CACNA1C: variants seen among roughly 807,000 people sequenced by gnomAD.
CACNA1C encodes calcium voltage-gated channel subunit alpha1 C.
A neutral mutation model predicts 229.0 loss-of-function variants in CACNA1C; 30 were observed. The observed-to-expected ratio is 0.13, with a 90% CI of 0.10 to 0.18. CACNA1C has a LOEUF of 0.18. Ranked by LOEUF, CACNA1C falls within the 10% of genes least tolerant of loss-of-function variation. The pLI is 1.00. For missense variants in CACNA1C, 1,658 were observed against 2,845.0 expected (o/e 0.58, Z 9.49); for synonymous variants, 1,114 against 1,132.5 (o/e 0.98, Z 0.33).
chr12:2,109,842 A>G (rs1050349349), intron 1 of CACNA1C, among the ~76,000 whole-genome samples: 1 of 152,176 alleles, frequency 6.6e-6, no homozygotes, highest in Non-Finnish European at 1.5e-5. Flanking sequence ...GGTTACATCC[A>G]AGAAATCAGT....
chr12:2,540,013 G>A (rs1473316413), intron 9 of CACNA1C, among the ~76,000 whole-genome samples: 3 of 152,162 alleles, frequency 2.0e-5, no homozygotes, highest in African/African-American at 4.8e-5. Flanking sequence ...TGTGGAGAGG[G>A]CCATGGGGCA....
Position 2,665,788 on chromosome 12 carries a change from T to C in CACNA1C, c.4526+80T>C. On this transcript the variant is annotated intron_variant, in intron 36 of 46. Transcript: ENST00000399655. This position sits in a 1 kb window ranked among gnomAD's most constrained non-coding sequence, Gnocchi z 5.9. Reference sequence around the variant, plus strand: ...CCATACCTGCAGGAGGGGCTCAAGGTTGGCCAACACTGGGTGGATCAATTA... The same window carrying C: ...CCATACCTGCAGGAGGGGCTCAAGGCTGGCCAACACTGGGTGGATCAATTA... 7.0e-7 allele frequency: 1 copy of C among 1,432,114 alleles called. No homozygotes were observed. The highest frequency in any genetic ancestry group is 9.5e-7 in the Non-Finnish European group (1 of 1,056,526). The allele number at this position is 1,432,114 out of a possible 1,614,324, so 88.7% of individuals were successfully genotyped here.
At chr12:2,351,357 C>T (rs553859095) in intron 3 of CACNA1C, among the ~76,000 whole-genome samples, 40 of 152,304 alleles carry the variant, frequency 2.6e-4, no homozygotes, top group African/African-American at 7.5e-4. Context: ...CAGCCCCCAC[C>T]CCAGCCTCCG....
chr12:2,138,618 C>A (rs904942435), intron 3 of CACNA1C, among the ~76,000 whole-genome samples: 5 of 150,846 alleles, frequency 3.3e-5, no homozygotes, highest in Non-Finnish European at 1.5e-5. Flanking sequence ...TCCTGCCCAT[C>A]GGAGGAATGT....
intron 9 of CACNA1C, among the ~76,000 whole-genome samples, chr12:2,513,827 G>A (rs2099790338): frequency 6.6e-6 from 1 of 152,124 alleles, no homozygotes; most frequent in Non-Finnish European, 1.5e-5. Context: ...GTGGGAATGG[G>A]GCCCAGGAAT....
In CACNA1C at chr12:2,581,925, A is replaced by T. The variant is rs114992636; in HGVS notation, c.2103+128A>T. On this transcript the variant is annotated intron_variant, in intron 14 of 46. Coordinates refer to ENST00000399655, the MANE Select transcript of CACNA1C (RefSeq NM_000719.7). ...ATCCTAGATCAGCCCTGGAGAGCCC[A>T]TGCCCGGGAGAGTCTTGAGTTTTTT... is the stretch of plus-strand genomic sequence containing the variant. The T allele has an allele frequency of 4.2e-4, 248 of 585,052 alleles. 3 individuals are homozygous for T. The African/African-American group carries it at 4.3e-3, about 10-fold the overall frequency. 36.2% of individuals were successfully genotyped at this position (585,052 alleles called of 1,614,324 possible).
At position 2,097,208 on chromosome 12, in the gene CACNA1C, C is replaced by T. The variant is rs529389113; in HGVS notation, c.50-18016C>T. On this transcript the variant is annotated intron_variant, in intron 1 of 46. Transcript: ENST00000399655. ...TCACCCAGGCTGGAGTGCAGTGGCG[C>T]GATCTCGGCTCACTGCAAGCTCCGC... Among the ~76,000 whole-genome samples, 44 of 152,210 alleles carry T rather than the reference C, an allele frequency of 2.9e-4. 1 individual carries two copies. The South Asian group carries it at 4.8e-3, about 17-fold the overall frequency.
chr12:2,339,913 A>G (rs1426298136), intron 3 of CACNA1C, among the ~76,000 whole-genome samples: 1 of 152,254 alleles, frequency 6.6e-6, no homozygotes. Flanking sequence ...TTTTATGTGT[A>G]TATCCTTCCA....
intron 8 of CACNA1C, among the ~76,000 whole-genome samples, chr12:2,511,323 A>G (rs913100235): frequency 6.6e-5 from 10 of 152,162 alleles, no homozygotes; most frequent in Admixed American, 5.9e-4. Flanking sequence ...CACAGGCCAA[A>G]TGCAAGCACT....
intron 3 of CACNA1C, among the ~76,000 whole-genome samples, chr12:2,192,185 A>C (rs976503016): frequency 6.6e-6 from 1 of 152,208 alleles, no homozygotes; most frequent in African/African-American, 2.4e-5. Context: ...CTGACATCAC[A>C]GTAATGTGAA....
At chr12:2,193,284 G>A (rs2097298307) in intron 3 of CACNA1C, among the ~76,000 whole-genome samples, 1 of 152,054 alleles carries the variant, frequency 6.6e-6, no homozygotes, top group Non-Finnish European at 1.5e-5. Context: ...GCGAAACCCT[G>A]TCTCTACAAA....
chr12:2,227,055 C>T (rs1599774013), intron 3 of CACNA1C, among the ~76,000 whole-genome samples: 1 of 152,318 alleles, frequency 6.6e-6, no homozygotes, highest in South Asian at 2.1e-4. Context: ...CCAAGAACTC[C>T]CTCCACAACT....
At chr12:2,545,856 A>G (rs2099879974) in intron 9 of CACNA1C, among the ~76,000 whole-genome samples, 1 of 152,252 alleles carries the variant, frequency 6.6e-6, no homozygotes, top group South Asian at 2.1e-4. Context: ...ATGAAATGGG[A>G]AAACTCTATC....
chr12:2,223,599 G>A (rs1290103372), intron 3 of CACNA1C: 2 of 152,196 alleles, frequency 1.3e-5, no homozygotes, highest in African/African-American at 4.8e-5. Flanking sequence ...TAAGCTGCTT[G>A]CTTAAGGCCA....
At chr12:1,991,077 T>C (rs1225006651) in intron 1 of CACNA1C, 3 of 455,794 alleles carry the variant, frequency 6.6e-6, no homozygotes, top group Non-Finnish European at 8.8e-6. Context: ...TTCTTTTGTA[T>C]GGAAATTCAT....
rs138857773 is a variant in CACNA1C at position 2,192,069 on chromosome 12, G to GAC, written c.477+71653_477+71654dup. On this transcript the variant is annotated intron_variant, in intron 3 of 46. Transcript: ENST00000399655. ...GCACACACATACACACTCAGGCACAGACACACACACACACATGCACGCACA... is the reference window on the plus strand; with the variant it reads ...GCACACACATACACACTCAGGCACAGACACACACACACACACATGCACGCACA... Among the ~76,000 whole-genome samples the GAC allele has an allele frequency of 3.0e-3, 459 of 150,876 alleles. 2 individuals carry two copies. Among genetic ancestry groups the GAC allele is most frequent in the African/African-American group, 0.01 (431 of 41,074 alleles).
At chr12:2,277,133 G>A (rs1270472369) in intron 3 of CACNA1C, among the ~76,000 whole-genome samples, 1 of 152,030 alleles carries the variant, frequency 6.6e-6, no homozygotes, top group Non-Finnish European at 1.5e-5. Context: ...TCATATGTTA[G>A]GTGCTTCTCT....
intron 3 of CACNA1C, among the ~76,000 whole-genome samples, chr12:2,325,460 C>T (rs1180057180): frequency 1.3e-5 from 2 of 152,202 alleles, no homozygotes; most frequent in Non-Finnish European, 2.9e-5. Flanking sequence ...TTTTTGGGTA[C>T]ATGGTATATG....
chr12:2,019,937 G>A (rs778745219), intron 1 of CACNA1C: 7 of 152,168 alleles, frequency 4.6e-5, no homozygotes, highest in Non-Finnish European at 1.0e-4. Context: ...ATTGCACCAT[G>A]AATATGGAGA....
Sources: gnomAD v4.1 joint callset for allele counts (sites outside exome capture counted in the v4.1 genomes callset) on GRCh38, gnomAD v4.1.1 for gene constraint, Gnocchi (gnomAD v3.1) non-coding constraint, MANE v1.5 for transcripts, NCBI Gene and HGNC (gene_info 2026-07-23, HGNC 2026-07-21) for gene names.